PIP5K1C: variants seen among roughly 807,000 people sequenced by gnomAD.
PIP5K1C encodes phosphatidylinositol 4-phosphate 5-kinase type-1 gamma.
Under a neutral mutation model 80.1 loss-of-function variants are expected in PIP5K1C, and 45 were observed. The ratio of observed to expected loss-of-function variants is 0.56; its 90% CI spans 0.44 to 0.72. The LOEUF is 0.72. Ranked by LOEUF, PIP5K1C falls within the 30% of genes least tolerant of loss-of-function variation. The pLI is 0.00. For synonymous variants in PIP5K1C, 498 were observed against 420.1 expected (o/e 1.19, Z -2.27); for missense variants, 753 against 954.6 (o/e 0.79, Z 2.78).
chr19:3,678,654 AGATGGCGAG>A (rs2035488777), intron 1 of PIP5K1C, among the ~76,000 whole-genome samples: 1 of 83,808 alleles, frequency 1.2e-5, no homozygotes, highest in Non-Finnish European at 2.3e-5. Context: ...AGAGATGGAG[AGATGGCGAG>A]ATGGAGGGAT....
intron 7 of PIP5K1C, 64 bp from the exon 8 acceptor site, chr19:3,652,095 G>A (rs1053982370): frequency 3.9e-5 from 59 of 1,507,598 alleles, no homozygotes; most frequent in African/African-American, 2.3e-4. Flanking sequence ...AACGGCTCCC[G>A]GACCCTATGG....
rs35380287 is a variant in PIP5K1C, at chr19:3,688,615, GC to G, written c.94+11681del. Among the ~76,000 whole-genome samples the G allele has an allele frequency of 6.6e-6, 1 of 151,942 alleles. No individual in the cohort carries two copies. Among genetic ancestry groups the G allele is most frequent in the Non-Finnish European group, 1.5e-5 (1 of 67,978 alleles). On this transcript the variant is annotated intron_variant, in intron 1 of 17. Coordinates refer to ENST00000335312, the MANE Select transcript of PIP5K1C (RefSeq NM_012398.3). The surrounding 1 kb of genome is among the most constrained non-coding windows in gnomAD (Gnocchi z 5.3). The stretch of plus-strand genomic sequence containing the variant: ...TGCTGGTGATTCTGCTGCTGAAATT[GC>G]CCCCCCAGGCATTGTCCTCAGGTGG...
At chr19:3,699,455 G>A (rs2036228658) in intron 1 of PIP5K1C, among the ~76,000 whole-genome samples, 1 of 152,198 alleles carries the variant, frequency 6.6e-6, no homozygotes, top group Non-Finnish European at 1.5e-5. Flanking sequence ...GAAGCTTCGG[G>A]AGGCCTGGGG....
intron 1 of PIP5K1C, among the ~76,000 whole-genome samples, chr19:3,683,840 A>G (rs2035666771): frequency 1.3e-5 from 2 of 151,608 alleles, no homozygotes; most frequent in Admixed American, 6.6e-5. Flanking sequence ...TCCTGTGCAG[A>G]GCACAGCCAG....
At chr19:3,659,052 C>G (rs960072250) in intron 5 of PIP5K1C, among the ~76,000 whole-genome samples, 2 of 152,180 alleles carry the variant, frequency 1.3e-5, no homozygotes, top group Non-Finnish European at 2.9e-5. Context: ...CTGTCCTGAG[C>G]TGTGGGCCTT....
chr19:3,653,687 C>A, intron 6 of PIP5K1C, 98 bp from the exon 7 acceptor site: 1 of 1,134,248 alleles, frequency 8.8e-7, no homozygotes, highest in Non-Finnish European at 1.2e-6. Flanking sequence ...CATGGATGCC[C>A]CTGGCCAGCC....
At chr19:3,698,196 G>A (rs562215860) in intron 1 of PIP5K1C, among the ~76,000 whole-genome samples, 1 of 152,346 alleles carries the variant, frequency 6.6e-6, no homozygotes, top group South Asian at 2.1e-4. Context: ...AGGCACCGAT[G>A]GTGGAGAGGC....
intron 16 of PIP5K1C, chr19:3,636,957 T>A: frequency 9.9e-7 from 1 of 1,014,374 alleles, no homozygotes; most frequent in Non-Finnish European, 1.2e-6. Context: ...CTTGAGAGCT[T>A]GGGGATCTGG....
At chr19:3,681,286 A>G (rs1258999076) in intron 1 of PIP5K1C, among the ~76,000 whole-genome samples, 1 of 149,586 alleles carries the variant, frequency 6.7e-6, no homozygotes, top group East Asian at 2.0e-4. Context: ...GCTGGAGTGC[A>G]GTGGCATGAT....
chr19:3,680,853 ACT>A (rs1407782325), intron 1 of PIP5K1C, among the ~76,000 whole-genome samples: 1 of 151,680 alleles, frequency 6.6e-6, no homozygotes, highest in Non-Finnish European at 1.5e-5. Flanking sequence ...ACCAGGGGAG[ACT>A]CTGCCCTCCA....
Position 3,637,524 on chromosome 19 carries a change from G to A in PIP5K1C, c.1920+1360C>T. 6.5e-7 allele frequency: 1 copy of A among 1,535,554 alleles called. No individual in the cohort carries two copies. Among genetic ancestry groups the A allele is most frequent in the South Asian group, 1.2e-5 (1 of 84,036 alleles). On this transcript the variant is annotated intron_variant, in intron 16 of 17. Coordinates refer to ENST00000335312, the MANE Select transcript of PIP5K1C (RefSeq NM_012398.3). The surrounding 1 kb of genome is among the most constrained non-coding windows in gnomAD (Gnocchi z 7.0). Reference sequence around the variant, plus strand: ...CCCCTTCTCCCCAGGGTGGCCGGCTGCGGTCACTTACAGTCCCCGAGGCGC... The same window carrying A: ...CCCCTTCTCCCCAGGGTGGCCGGCTACGGTCACTTACAGTCCCCGAGGCGC...
At chr19:3,656,274 C>A (rs974593175) in intron 6 of PIP5K1C, 131 bp downstream of exon 6, 6 of 989,728 alleles carry the variant, frequency 6.1e-6, no homozygotes, top group South Asian at 4.1e-5. Flanking sequence ...GGTGAGTCCC[C>A]GGGACCCAAG....
chr19:3,633,237 C>T (rs1206972101), intron 17 of PIP5K1C, 68 bp from the exon 18 acceptor site: 3 of 724,586 alleles, frequency 4.1e-6, no homozygotes, highest in African/African-American at 3.5e-5. Context: ...CTGCCAGGGA[C>T]TGGCTTCCTT....
Position 3,653,231 on chromosome 19 carries a change from G to A in PIP5K1C, c.921+59C>T. On this transcript the variant is annotated intron_variant, in intron 7 of 17. Coordinates refer to ENST00000335312, the MANE Select transcript of PIP5K1C (RefSeq NM_012398.3). ...CCCTGGCCCTGCCTGCCCAGGCCGA[G>A]CCCTCACCACGCAGTCCCACCTGCC... is the stretch of plus-strand genomic sequence containing the variant. The A allele has an allele frequency of 7.2e-6, 11 of 1,535,162 alleles. No individual in the cohort carries two copies. The South Asian group carries it at 1.1e-4, about 16-fold the overall frequency.
At chr19:3,662,436 A>G (rs1040494467) in intron 3 of PIP5K1C, among the ~76,000 whole-genome samples, 12 of 152,206 alleles carry the variant, frequency 7.9e-5, no homozygotes, top group African/African-American at 2.7e-4. Flanking sequence ...GCTGCTTTCT[A>G]TGTAACGCAC....
intron 8 of PIP5K1C, 51 bp downstream of exon 8, chr19:3,651,775 G>A: frequency 1.3e-6 from 2 of 1,546,604 alleles, no homozygotes; most frequent in South Asian, 1.1e-5. Context: ...GGGAACTGGA[G>A]CCTGTGGGGA....
At chr19:3,647,936 G>C (rs909841727) in intron 9 of PIP5K1C, among the ~76,000 whole-genome samples, 1 of 152,216 alleles carries the variant, frequency 6.6e-6, no homozygotes, top group Admixed American at 6.5e-5. Context: ...GACAGAGCGA[G>C]ACTTTGTCTT....
At position 3,641,779 on chromosome 19, in the gene PIP5K1C, A is replaced by T. The variant is rs1184036104; in HGVS notation, c.1713T>A (p.Asp571Glu). ...RPQEEPPAEE[D>E]LQQITVQVEP... is the part of the protein sequence containing the mutation. ...CCACCTGCACTGTAATCTGCTGCAG[A>T]TCCTCTTCCGCGGGTGGCTCCTCCT... The change falls in exon 15 of 18, where the codon GAT becomes GAA. Residue 571 changes from aspartate to glutamate, a missense_variant. Physicochemically the swap from Asp to Glu is conservative, Grantham distance 45. This residue lies in a region of PIP5K1C where 315 missense variants were observed against 294.5 expected (regional missense o/e 1.07). Transcript: ENST00000335312. 3.1e-6 allele frequency: 5 copies of T among 1,612,190 alleles called. No individual in the cohort carries two copies. In the South Asian group the frequency reaches 5.5e-5, roughly 18 times the overall value.
intron 16 of PIP5K1C, among the ~76,000 whole-genome samples, chr19:3,633,919 C>T (rs1022344580): frequency 1.3e-5 from 2 of 152,166 alleles, no homozygotes; most frequent in African/African-American, 4.8e-5. Flanking sequence ...GGCACCAGCG[C>T]ACAGGCTCCT....
Sources: allele counts gnomAD v4.1 joint callset (sites outside exome capture counted in the v4.1 genomes callset), GRCh38; gene constraint gnomAD v4.1.1; regional missense constraint gnomAD v4.1.1; non-coding constraint Gnocchi (gnomAD v3.1); transcripts MANE v1.5; gene names NCBI Gene and HGNC (gene_info 2026-07-23, HGNC 2026-07-21).